Variants in LAMB3 observed in about 807,000 individuals in gnomAD.
LAMB3 encodes the protein laminin subunit beta 3, also known as laminin subunit beta-3.
In LAMB3, 104 loss-of-function variants were observed where a neutral mutation model predicts 140.3. The ratio of observed to expected loss-of-function variants is 0.74; its 90% CI spans 0.63 to 0.87. The LOEUF (loss-of-function observed/expected upper bound fraction) is 0.87, where lower values mean the gene tolerates loss of function less well. Among genes scored for constraint, LAMB3 ranks in the 40% least tolerant of loss-of-function variants. LAMB3 has a pLI of 0.00. For synonymous variants in LAMB3, 592 were observed against 602.9 expected, an observed-to-expected ratio of 0.98 and a Z score of 0.26; for missense variants, 1,531 against 1,575.2, an observed-to-expected ratio of 0.97 and a Z score of 0.47.
Position 209,632,663 on chromosome 1 carries a change from C to G in LAMB3, c.742G>C (p.Gly248Arg). 6.2e-7 allele frequency: 1 copy of G among 1,614,084 alleles called. No homozygotes were observed. Among genetic ancestry groups the G allele is most frequent in the Non-Finnish European group, 8.5e-7 (1 of 1,179,936 alleles). The change falls in exon 8 of 23, where the codon GGG (glycine) becomes CGG (arginine). Residue 248 changes from glycine to arginine, a missense_variant. Gly to Arg is a moderately radical substitution (Grantham distance 125, BLOSUM62 -2). Coordinates refer to ENST00000356082, the MANE Select transcript of LAMB3 (RefSeq NM_000228.3). ...YYAVSQLRLQ[G>R]SCFCHGHADR... Reference sequence around the variant, plus strand: ...GCATGGCCGTGACAGAAGCAGCTCCCCTGCAGACGGAGCTGGGACACAGCA... The same window carrying G: ...GCATGGCCGTGACAGAAGCAGCTCCGCTGCAGACGGAGCTGGGACACAGCA...
Position 209,623,118 on chromosome 1 carries a change from G to T in LAMB3, c.2420C>A (p.Pro807His), listed in dbSNP as rs763420482. 1 of 1,614,184 alleles carries T rather than the reference G, an allele frequency of 6.2e-7. No individual in the cohort carries two copies. Among genetic ancestry groups the T allele is most frequent in the Non-Finnish European group, 8.5e-7 (1 of 1,180,036 alleles). The change falls in exon 17 of 23, where the codon CCC becomes CAC. Residue 807 changes from proline (P) to histidine (H), a missense_variant. Physicochemically the swap from Pro to His is moderately conservative, Grantham distance 77 (BLOSUM62 -2). Transcript: ENST00000356082. The surrounding 1 kb of genome is among the most constrained non-coding windows in gnomAD (Gnocchi z 4.2). ...GCCACAGGCTGTGCCATTGTCTTGG[G>T]GACATAGCTCACCAGGGCATGATAT... Reference protein sequence around the residue: ...TPISCPGELCPQDNGTACGSR... With the variant: ...TPISCPGELCHQDNGTACGSR...
intron 3 of LAMB3, among the ~76,000 whole-genome samples, chr1:209,640,289 C>T (rs1429290616): frequency 1.3e-5 from 2 of 152,244 alleles, no homozygotes; most frequent in Non-Finnish European, 2.9e-5. Flanking sequence ...GTGGCTCACG[C>T]CTGTAATCCC....
At chr1:209,651,177 G>A in intron 1 of LAMB3, 196 bp from the exon 2 acceptor site, 2 of 575,992 alleles carry the variant, frequency 3.5e-6, no homozygotes, top group Non-Finnish European at 6.3e-6. Context: ...CAAGTGGCAT[G>A]TGACTCACAG....
In LAMB3 at chr1:209,618,488, C is replaced by T. The variant is rs142984572; in HGVS notation, c.2873G>A (p.Arg958His). ...VLSQTKQDIA[R>H]ARRLQAEAEE... ...AGCCTCAGCCTGCAACCGGCGGGCA[C>T]GCGCAATGTCCTGCTTGGTCTGGGA... The change falls in exon 19 of 23, where the codon CGT becomes CAT. Residue 958 changes from arginine (R) to histidine (H), a missense_variant. Physicochemically the swap from Arg to His is conservative, Grantham distance 29 (BLOSUM62 0). Transcript: ENST00000356082. The T allele has an allele frequency of 4.7e-4, 763 of 1,614,098 alleles. 1 individual carries two copies. Among genetic ancestry groups the T allele is most frequent in the Non-Finnish European group, 5.7e-4 (677 of 1,180,056 alleles).
chr1:209,616,251 T>C (rs1194631922), intron 22 of LAMB3, among the ~76,000 whole-genome samples: 1 of 152,040 alleles, frequency 6.6e-6, no homozygotes, highest in South Asian at 2.1e-4. Flanking sequence ...ACAGAGAAAA[T>C]GGTCCCATTA....
rs1666612264 is a variant in LAMB3 at position 209,629,857 on chromosome 1, C to A, written c.1012G>T (p.Ala338Ser). The A allele has an allele frequency of 6.2e-7, 1 of 1,614,172 alleles. No homozygotes were observed. Among genetic ancestry groups the A allele is most frequent in the Non-Finnish European group, 8.5e-7 (1 of 1,180,012 alleles). Reference protein sequence around the residue: ...DPAVFAASQGAYGGVCDNCRD... With the variant: ...DPAVFAASQGSYGGVCDNCRD... ...CAATTGTCACACACACCTCCATATG[C>A]CCCCTGGCTGGCGGCAAACACAGCG... Residue 338 changes from alanine to serine, a missense_variant, in exon 10 of 23, where the codon GCA (alanine) becomes TCA (serine). By Grantham distance (99) the Ala-to-Ser change is moderately conservative. Coordinates refer to ENST00000356082, the MANE Select transcript of LAMB3 (RefSeq NM_000228.3).
rs1385457333 is a variant in LAMB3, at chr1:209,616,452, C to T, written c.3382+19G>A. 1.9e-6 allele frequency: 3 copies of T among 1,613,860 alleles called. No individual in the cohort carries two copies. The highest frequency in any genetic ancestry group is 2.5e-6 in the Non-Finnish European group (3 of 1,179,844). ...TTCATGAATGCCCAATAGTCCATGC[C>T]CCTAAACCATTCCCTCACCTTTCAT... On this transcript the variant is annotated intron_variant, in intron 22 of 22. Coordinates refer to ENST00000356082, the MANE Select transcript of LAMB3 (RefSeq NM_000228.3).
Position 209,634,556 on chromosome 1 carries a change from T to G in LAMB3, c.455A>C (p.Asp152Ala). 1 of 1,614,086 alleles carries G rather than the reference T, an allele frequency of 6.2e-7. No individual in the cohort carries two copies. The highest frequency in any genetic ancestry group is 8.5e-7 in the Non-Finnish European group (1 of 1,180,014). The change falls in exon 6 of 23, where the codon GAC becomes GCC. Residue 152 changes from aspartate (D) to alanine (A), a missense_variant. Transcript: ENST00000356082. ...TWRVYQYLAA[D>A]CTSTFPRVRQ... ...GACCCGAGGGAAGGTGGAGGTGCAG[T>G]CGGCAGCCAGGTACTGGTACACTCG...
intron 8 of LAMB3, among the ~76,000 whole-genome samples, chr1:209,631,458 C>A (rs528107075): frequency 6.6e-6 from 1 of 152,316 alleles, no homozygotes; most frequent in African/African-American, 2.4e-5. Context: ...GCTAGAACGG[C>A]ACCTCTCTCA....
At chr1:209,626,676 G>A (rs759554125) in intron 13 of LAMB3, among the ~76,000 whole-genome samples, 191 bp downstream of exon 13, 27 of 152,252 alleles carry the variant, frequency 1.8e-4, no homozygotes, top group Non-Finnish European at 7.3e-5. Context: ...AGCGGGCATA[G>A]GCCTGCCTCA....
intron 5 of LAMB3, among the ~76,000 whole-genome samples, chr1:209,635,280 A>G (rs1052403500): frequency 2.3e-4 from 35 of 152,174 alleles, no homozygotes; most frequent in Non-Finnish European, 1.0e-4. Flanking sequence ...AACCAGGCCC[A>G]GGCCTGTCTC....
intron 19 of LAMB3, 43 bp downstream of exon 19, chr1:209,618,409 G>T: frequency 1.3e-6 from 2 of 1,596,944 alleles, no homozygotes; most frequent in Non-Finnish European, 1.7e-6. Context: ...CAAAACGCCA[G>T]CTTAATCCTG....
chr1:209,620,296 A>AGTACAGCT (rs1666140290), intron 18 of LAMB3, among the ~76,000 whole-genome samples: 1 of 152,328 alleles, frequency 6.6e-6, no homozygotes, highest in South Asian at 2.1e-4. Context: ...TGAACAAGGA[A>AGTACAGCT]GTACAGCTTT....
intron 9 of LAMB3, 84 bp downstream of exon 9, chr1:209,630,531 G>T: frequency 7.0e-7 from 1 of 1,437,314 alleles, no homozygotes; most frequent in Non-Finnish European, 9.7e-7. Context: ...GGATCCCCCT[G>T]CATCCCAGGT....
rs371979667 is a variant in LAMB3 at position 209,630,646 on chromosome 1, C to T, written c.912G>A (p.Pro304=). ...APFYNNRPWR[P]AEGQDAHECQ... is the part of the protein sequence containing the mutation. ...ATTCATGGGCGTCCTGGCCCTCCGC[C>T]GGTCTCCAGGGCCGGTTGTTGTAGA... The change falls in exon 9 of 23, where the codon CCG becomes CCA. Residue 304 remains proline, a synonymous_variant. Transcript: ENST00000356082. The T allele has an allele frequency of 2.3e-5, 37 of 1,614,130 alleles. No individual in the cohort carries two copies. In the Middle Eastern group the frequency reaches 1.5e-3, roughly 65 times the overall value.
Position 209,623,715 on chromosome 1 carries a change from C to T in LAMB3, c.2148G>A (p.Arg716=), listed in dbSNP as rs2102415849. ...ISSADPSGAF[R]MLSTAYEQSA... ...ACTGCTCGTAGGCTGTGCTCAGCAT[C>T]CGGAAGGCTCCTGTGGCGAGAAGCA... Residue 716 remains arginine, a synonymous_variant, in exon 16 of 23, where the codon CGG becomes CGA. Coordinates refer to ENST00000356082, the MANE Select transcript of LAMB3 (RefSeq NM_000228.3). The surrounding 1 kb of genome is among the most constrained non-coding windows in gnomAD (Gnocchi z 4.2). 6.2e-7 allele frequency: 1 copy of T among 1,614,038 alleles called. No individual in the cohort carries two copies. The highest frequency in any genetic ancestry group is 8.5e-7 in the Non-Finnish European group (1 of 1,180,028).
chr1:209,615,462 A>T (rs1558145620), intron 22 of LAMB3, 55 bp from the exon 23 acceptor site: 3 of 1,531,136 alleles, frequency 2.0e-6, no homozygotes, highest in Middle Eastern at 2.1e-4. Context: ...ACTCCCCAAG[A>T]CTCCCAACCC....
At chr1:209,633,910 T>C (rs1463089689) in intron 6 of LAMB3, among the ~76,000 whole-genome samples, 2 of 152,212 alleles carry the variant, frequency 1.3e-5, no homozygotes, top group Non-Finnish European at 2.9e-5. Flanking sequence ...AGAAACATTC[T>C]GAGTTTTTCT....
At chr1:209,624,933 A>AGGAAGGAG in intron 14 of LAMB3, among the ~76,000 whole-genome samples, 4 of 148,726 alleles carry the variant, frequency 2.7e-5, no homozygotes, top group African/African-American at 1.0e-4. Flanking sequence ...GAAGGAAGGA[A>AGGAAGGAG]GGAAAAAAAG....
Sources: allele counts gnomAD v4.1 joint callset (sites outside exome capture counted in the v4.1 genomes callset), GRCh38; gene constraint gnomAD v4.1.1; non-coding constraint Gnocchi (gnomAD v3.1); transcripts MANE v1.5; gene names NCBI Gene and HGNC (gene_info 2026-07-23, HGNC 2026-07-21).